MFSD8: variants seen among roughly 807,000 people sequenced by gnomAD.
MFSD8 encodes major facilitator superfamily domain-containing protein 8.
A neutral mutation model predicts 66.4 loss-of-function variants in MFSD8; 55 were observed. The observed-to-expected ratio is 0.83, with a 90% CI of 0.67 to 1.04. The LOEUF (loss-of-function observed/expected upper bound fraction) is 1.04, where lower values mean the gene tolerates loss of function less well. MFSD8 is among the 50% of genes least tolerant of loss of function. The probability of loss-of-function intolerance (pLI) is 0.00; values close to 1 mark genes in which losing one functional copy is unlikely to be tolerated. For missense variants in MFSD8, 550 were observed against 627.6 expected (o/e 0.88, Z 1.32); for synonymous variants, 202 against 212.8 (o/e 0.95, Z 0.44).
At position 127,965,143 on chromosome 4, in the gene MFSD8, C is replaced by G. The variant is rs1744848386; in HGVS notation, c.-10G>C. 1.2e-6 allele frequency: 2 copies of G among 1,613,826 alleles called. No homozygotes were observed. Among genetic ancestry groups the G allele is most frequent in the Admixed American group, 3.3e-5 (2 of 59,994 alleles). ...TCCGCAGGCCGGCCATAGTTACACT[C>G]CCTACAAGGCGTCTTGCGCCCAACT... On this transcript the variant is annotated 5_prime_UTR_variant, in exon 1 of 12. Coordinates refer to ENST00000641686, the MANE Select transcript of MFSD8 (RefSeq NM_001371596.2).
chr4:127,931,945 C>T (rs1738210141), intron 8 of MFSD8, among the ~76,000 whole-genome samples: 2 of 152,038 alleles, frequency 1.3e-5, no homozygotes, highest in South Asian at 4.1e-4. Context: ...CCTGTCTCTA[C>T]AAAAAATATA....
chr4:127,925,551 A>G (rs1031385570), intron 9 of MFSD8, among the ~76,000 whole-genome samples: 30 of 152,356 alleles, frequency 2.0e-4, no homozygotes, highest in Non-Finnish European at 3.5e-4. Context: ...ACCATCTCAC[A>G]CCAGTTAGAG....
At chr4:127,925,074 C>T (rs996536033) in intron 9 of MFSD8, among the ~76,000 whole-genome samples, 14 of 152,080 alleles carry the variant, frequency 9.2e-5, no homozygotes, top group Non-Finnish European at 2.1e-4. Context: ...TTCTTTATAC[C>T]TTATACAAAA....
At chr4:127,944,305 A>C (rs1487753168) in intron 3 of MFSD8, among the ~76,000 whole-genome samples, 1 of 152,200 alleles carries the variant, frequency 6.6e-6, no homozygotes, top group Non-Finnish European at 1.5e-5. Context: ...CAATAACATC[A>C]TGAAAAATAA....
chr4:127,927,633 T>A (rs1176319923), intron 9 of MFSD8, among the ~76,000 whole-genome samples: 9 of 152,238 alleles, frequency 5.9e-5, no homozygotes, highest in Admixed American at 5.9e-4. Context: ...TGACTGAACT[T>A]AATTTTACAC....
chr4:127,938,670 A>G (rs893336075), intron 7 of MFSD8, 113 bp downstream of exon 7: 13 of 541,688 alleles, frequency 2.4e-5, no homozygotes, highest in Non-Finnish European at 4.3e-5. Flanking sequence ...ATCTTCCCCA[A>G]TCACCCACTG....
chr4:127,961,375 A>T (rs1432311712), intron 1 of MFSD8, among the ~76,000 whole-genome samples: 1 of 152,336 alleles, frequency 6.6e-6, no homozygotes, highest in East Asian at 1.9e-4. Flanking sequence ...AATGAGCATC[A>T]ATCACTTTGA....
chr4:127,938,592 A>AT (rs1226549261), intron 7 of MFSD8, among the ~76,000 whole-genome samples, 191 bp downstream of exon 7: 116 of 131,012 alleles, frequency 8.9e-4, no homozygotes, highest in African/African-American at 2.2e-3. Flanking sequence ...CAAAAAAAAA[A>AT]AAATAAATAA....
intron 2 of MFSD8, among the ~76,000 whole-genome samples, chr4:127,953,461 C>CAAA (rs368450161): frequency 1.4e-4 from 11 of 76,546 alleles, no homozygotes; most frequent in Admixed American, 1.3e-3. Context: ...GCACTCAGCT[C>CAAA]AAAAAAAAAA....
intron 2 of MFSD8, among the ~76,000 whole-genome samples, chr4:127,954,621 GA>G (rs1476416528): frequency 6.6e-6 from 1 of 151,828 alleles, no homozygotes; most frequent in South Asian, 2.1e-4. Context: ...GTCTCAAAAA[GA>G]AAAAAACAGA....
chr4:127,939,943 A>C lies in MFSD8; in HGVS notation c.608T>G (p.Ile203Ser). Residue 203 changes from isoleucine to serine, a missense_variant, in exon 6 of 12, where the codon ATT becomes AGT. By Grantham distance (142) the Ile-to-Ser change is moderately radical (BLOSUM62 -2). Transcript: ENST00000641686. ...TGTATACATGTTTATCTGCAGTTTAATCACATCCCATGTCACACCTTTTTC... is the reference window on the plus strand; with the variant it reads ...TGTATACATGTTTATCTGCAGTTTACTCACATCCCATGTCACACCTTTTTC... ...LGEKGVTWDV[I>S]KLQINMYTTP... is the part of the protein sequence containing the mutation. 2 of 1,613,734 alleles carry C rather than the reference A, an allele frequency of 1.2e-6. No individual in the cohort carries two copies. The highest frequency in any genetic ancestry group is 1.7e-6 in the Non-Finnish European group (2 of 1,179,810).
At chr4:127,965,495 C>A, upstream of MFSD8, 1 of 386,432 alleles carries the variant, frequency 2.6e-6, no homozygotes, top group Admixed American at 3.9e-5. Flanking sequence ...GGAAAGGTTA[C>A]CGGAGCTGCG....
chr4:127,933,261 T>C, intron 7 of MFSD8, 168 bp from the exon 8 acceptor site: 1 of 558,136 alleles, frequency 1.8e-6, no homozygotes, highest in Non-Finnish European at 3.2e-6. Flanking sequence ...TTTTTATTTT[T>C]TGAGACAGGG....
rs267607235 is a variant in MFSD8 at position 127,921,639 on chromosome 4, G to A, written c.1235C>T (p.Pro412Leu). 12 of 1,614,030 alleles carry A rather than the reference G, an allele frequency of 7.4e-6. No homozygotes were observed. The highest frequency in any genetic ancestry group is 5.0e-5 in the Admixed American group (3 of 59,992). ...AAGGAACTGGGCCAGATGAATCACC[G>A]GGGTGTAGAGGCACCAGGCTTGTTC... ...SIEQAWCLYT[P>L]VIHLAQFLTS... Residue 412 changes from proline (P) to leucine (L), a missense_variant, in exon 11 of 12, where the codon CCG (proline) becomes CTG (leucine). Pro to Leu is a moderately conservative substitution (Grantham distance 98, BLOSUM62 -3). Coordinates refer to ENST00000641686, the MANE Select transcript of MFSD8 (RefSeq NM_001371596.2).
chr4:127,958,238 A>C (rs1269485302), intron 1 of MFSD8, among the ~76,000 whole-genome samples: 1 of 152,186 alleles, frequency 6.6e-6, no homozygotes, highest in Admixed American at 6.5e-5. Flanking sequence ...AGGCATGTAT[A>C]CTAAGTAGAT....
rs200387529 is a variant in MFSD8, at chr4:127,923,552, TTTATTATTATTA to T, written c.999-1601_999-1590del. ...TCCAGTATTTTATTTTTTATTTTTA[TTTATTATTATTA>T]TTATTATTATTATTATTATTATTAT... On this transcript the variant is annotated intron_variant, in intron 9 of 11. Transcript: ENST00000641686. Among the ~76,000 whole-genome samples, 582 of 130,558 alleles carry T rather than the reference TTTATTATTATTA, an allele frequency of 4.5e-3. 2 individuals carry two copies. The highest frequency in any genetic ancestry group is 7.5e-3 in the Middle Eastern group (2 of 268). The allele number at this position is 130,558 out of a possible 152,430, so 85.7% of individuals were successfully genotyped here.
chr4:127,949,787 G>A lies in MFSD8; in HGVS notation c.198+17C>T. Reference sequence around the variant, plus strand: ...CTACTGTAGCTATAAGGGAAAAATAGATTGAAATGTACAAACCTTTTGGAG... The same window carrying A: ...CTACTGTAGCTATAAGGGAAAAATAAATTGAAATGTACAAACCTTTTGGAG... On this transcript the variant is annotated intron_variant, in intron 3 of 11. Coordinates refer to ENST00000641686, the MANE Select transcript of MFSD8 (RefSeq NM_001371596.2). The A allele has an allele frequency of 6.2e-7, 1 of 1,608,982 alleles. No homozygotes were observed. Among genetic ancestry groups the A allele is most frequent in the Non-Finnish European group, 8.5e-7 (1 of 1,176,974 alleles).
At chr4:127,958,705 A>G (rs927261619) in intron 1 of MFSD8, among the ~76,000 whole-genome samples, 7 of 152,174 alleles carry the variant, frequency 4.6e-5, no homozygotes, top group Non-Finnish European at 8.8e-5. Flanking sequence ...TGAAATCAAT[A>G]TACTAGAATT....
At chr4:127,931,938 G>A (rs1421976702) in intron 8 of MFSD8, among the ~76,000 whole-genome samples, 3 of 152,074 alleles carry the variant, frequency 2.0e-5, no homozygotes, top group Non-Finnish European at 4.4e-5. Context: ...GGGAAATCCT[G>A]TCTCTACAAA....
Sources: allele counts gnomAD v4.1 joint callset (sites outside exome capture counted in the v4.1 genomes callset), GRCh38; gene constraint gnomAD v4.1.1; transcripts MANE v1.5; gene names NCBI Gene and HGNC (gene_info 2026-07-23, HGNC 2026-07-21).